NAV1: variants seen among roughly 807,000 people sequenced by gnomAD.
The protein encoded by NAV1 is neuron navigator 1.
NAV1 carries 18 observed loss-of-function variants against 175.2 expected under a neutral mutation model. The ratio of observed to expected loss-of-function variants is 0.10; its 90% CI spans 0.07 to 0.15. NAV1 has a LOEUF of 0.15. Among genes scored for constraint, NAV1 ranks in the 10% least tolerant of loss-of-function variants. The pLI is 1.00. For missense variants in NAV1, 1,731 were observed against 2,436.6 expected (o/e 0.71, Z 6.10); for synonymous variants, 897 against 978.7 (o/e 0.92, Z 1.56).
chr1:201,660,044 G>A (rs1669549026), intron 1 of NAV1, among the ~76,000 whole-genome samples: 1 of 152,184 alleles, frequency 6.6e-6, no homozygotes, highest in African/African-American at 2.4e-5. Context: ...TGTAGGTACT[G>A]TCCTGCTGTC....
chr1:201,772,714 A>T (rs1675667330), intron 3 of NAV1, among the ~76,000 whole-genome samples: 1 of 152,186 alleles, frequency 6.6e-6, no homozygotes, highest in South Asian at 2.1e-4. Context: ...GAATGCCCAT[A>T]GCAACTGATA....
intron 7 of NAV1, 108 bp downstream of exon 11, chr1:201,783,960 T>C: frequency 1.0e-6 from 1 of 1,000,380 alleles, no homozygotes; most frequent in Non-Finnish European, 1.4e-6. Context: ...CTTTTGACAT[T>C]TTTTCACATA....
chr1:201,790,814 C>T (rs763061940), intron 13 of NAV1, 48 bp downstream of exon 17: 14 of 1,599,102 alleles, frequency 8.8e-6, no homozygotes, highest in Admixed American at 1.7e-5. Context: ...TTTTGACTAT[C>T]GTTAGACAAG....
intron 1 of NAV1, among the ~76,000 whole-genome samples, chr1:201,584,755 C>G (rs1381620531): frequency 6.6e-6 from 1 of 152,228 alleles, no homozygotes; most frequent in Non-Finnish European, 1.5e-5. Flanking sequence ...GATGCTCCAC[C>G]AAGGCCTGGA....
chr1:201,788,478 T>C lies in NAV1; in HGVS notation c.3006T>C (p.Thr1002=). Residue 1002 remains threonine, a synonymous_variant, in exon 10 of 30, where the codon ACT becomes ACC. Transcript: ENST00000367296. The surrounding 1 kb of genome is among the most constrained non-coding windows in gnomAD (Gnocchi z 5.7). ...CCTCTGTCCTTCCAGTGAGTCCCAC[T>C]GCGGCCACCACGCCAAGAATCACCC... The C allele has an allele frequency of 1.2e-6, 2 of 1,613,960 alleles. No homozygotes were observed. The highest frequency in any genetic ancestry group is 1.7e-6 in the Non-Finnish European group (2 of 1,179,960).
intron 1 of NAV1, among the ~76,000 whole-genome samples, chr1:201,686,074 A>C (rs1249657564): frequency 6.6e-6 from 1 of 152,232 alleles, no homozygotes; most frequent in Non-Finnish European, 1.5e-5. Flanking sequence ...CTGAAGCTCC[A>C]GAGCCAGAGA....
chr1:201,767,591 T>G (rs1227979523), intron 3 of NAV1, among the ~76,000 whole-genome samples: 2 of 152,220 alleles, frequency 1.3e-5, no homozygotes, highest in Admixed American at 6.5e-5. Context: ...ATATTTTCCT[T>G]TTCTACTAAG....
intron 3 of NAV1, among the ~76,000 whole-genome samples, chr1:201,780,144 C>T (rs113832560): frequency 1.3e-5 from 2 of 152,230 alleles, no homozygotes; most frequent in African/African-American, 4.8e-5. Context: ...CAAAAATTAC[C>T]TTGCCTTTAT....
At chr1:201,755,456 G>A (rs1398372599) in intron 3 of NAV1, among the ~76,000 whole-genome samples, 2 of 151,916 alleles carry the variant, frequency 1.3e-5, no homozygotes, top group Non-Finnish European at 2.9e-5. Context: ...AGGAGGAGGA[G>A]GAGGAAGAAG....
chr1:201,760,246 G>A (rs1464594022), intron 3 of NAV1, among the ~76,000 whole-genome samples: 1 of 152,170 alleles, frequency 6.6e-6, no homozygotes, highest in Non-Finnish European at 1.5e-5. Flanking sequence ...CGGGTGGATC[G>A]CTTAAGGCCA....
intron 3 of NAV1, among the ~76,000 whole-genome samples, chr1:201,778,274 T>G (rs754072490): frequency 6.6e-6 from 1 of 152,242 alleles, no homozygotes; most frequent in Non-Finnish European, 1.5e-5. Context: ...TTTGGATTTC[T>G]GAGCTGCAGC....
chr1:201,809,334 C>G, intron 21 of NAV1, 73 bp downstream of exon 25: 1 of 1,592,292 alleles, frequency 6.3e-7, no homozygotes. Context: ...AATCTGGACC[C>G]TGGGTACCTC....
intron 6 of NAV1, 138 bp downstream of exon 10, chr1:201,783,007 C>A: frequency 1.4e-6 from 1 of 703,656 alleles, no homozygotes; most frequent in Non-Finnish European, 2.3e-6. Flanking sequence ...CCCACCTCTC[C>A]CCCATATGCC....
At position 201,817,300 on chromosome 1, in the gene NAV1, T is replaced by C; in HGVS notation, c.5538+15T>C. 6.2e-7 allele frequency: 1 copy of C among 1,612,426 alleles called. No homozygotes were observed. The highest frequency in any genetic ancestry group is 8.5e-7 in the Non-Finnish European group (1 of 1,178,906). Reference sequence around the variant, plus strand: ...CAGATCCTCTGGTGAGTAGAAGCCATTCTAGAGTAAAAATAAGACTATTAT... The same window carrying C: ...CAGATCCTCTGGTGAGTAGAAGCCACTCTAGAGTAAAAATAAGACTATTAT... On this transcript the variant is annotated intron_variant, in intron 29 of 29. Coordinates refer to ENST00000367296, the Ensembl canonical transcript of NAV1.
intron 1 of NAV1, among the ~76,000 whole-genome samples, chr1:201,623,844 G>A (rs527586416): frequency 1.3e-5 from 2 of 152,296 alleles, no homozygotes; most frequent in South Asian, 2.1e-4. Context: ...CTCGACTGTG[G>A]GGAATCCACA....
At chr1:201,605,306 AC>A (rs1465121870) in intron 2 of NAV1, among the ~76,000 whole-genome samples, 10 of 151,164 alleles carry the variant, frequency 6.6e-5, no homozygotes, top group African/African-American at 2.4e-4. Flanking sequence ...CCGGCTTCCT[AC>A]CTGCCCCATT....
rs1668693105 is a variant in NAV1 at position 201,639,548 on chromosome 1, TCCAGCCCTGAGAAGAAGAAGC to T, written c.5-9074_5-9054del. Among the ~76,000 whole-genome samples the T allele has an allele frequency of 2.6e-5, 4 of 152,096 alleles. No individual in the cohort carries two copies. The South Asian group carries it at 8.3e-4, about 32-fold the overall frequency. Reference sequence around the variant, plus strand: ...CCGGGACACTTGGGAGAAGCAAGTGTCCAGCCCTGAGAAGAAGAAGCCCAGCCCTGAGTCAGACCTCCCTAG... The same window carrying T: ...CCGGGACACTTGGGAGAAGCAAGTGTCCAGCCCTGAGTCAGACCTCCCTAG... On this transcript the variant is annotated intron_variant, in intron 2 of 29. Transcript: ENST00000367302.
intron 13 of NAV1, chr1:201,791,752 C>A (rs1677131900): frequency 6.6e-6 from 1 of 152,280 alleles, no homozygotes; most frequent in South Asian, 2.1e-4. Flanking sequence ...TCCCTCACCA[C>A]ACTAGTTATT....
At chr1:201,771,311 G>A (rs1180133457) in intron 3 of NAV1, among the ~76,000 whole-genome samples, 1 of 149,862 alleles carries the variant, frequency 6.7e-6, no homozygotes, top group East Asian at 2.0e-4. Flanking sequence ...AGGAGTTCAA[G>A]ACCAGCCTGG....
Sources: gnomAD v4.1 joint callset for allele counts (sites outside exome capture counted in the v4.1 genomes callset) on GRCh38, gnomAD v4.1.1 for gene constraint, Gnocchi (gnomAD v3.1) non-coding constraint, MANE v1.5 for transcripts, NCBI Gene and HGNC (gene_info 2026-07-23, HGNC 2026-07-21) for gene names.